The following NRXN1 variants were observed in gnomAD, a reference collection of about 807,000 sequenced individuals.
NRXN1 encodes neurexin-1.
In NRXN1, 39 loss-of-function variants were observed where a neutral mutation model predicts 150.9. The ratio of observed to expected loss-of-function variants is 0.26; its 90% CI spans 0.20 to 0.34. NRXN1 has a LOEUF of 0.34. Among genes scored for constraint, NRXN1 ranks in the 10% least tolerant of loss-of-function variants. The pLI is 1.00. For synonymous variants in NRXN1, 924 were observed against 757.0 expected (o/e 1.22, Z -3.62); for missense variants, 1,815 against 1,949.9 (o/e 0.93, Z 1.30).
intron 2 of NRXN1, among the ~76,000 whole-genome samples, chr2:50,956,537 C>G (rs1039981704): frequency 1.3e-5 from 2 of 151,908 alleles, no homozygotes; most frequent in African/African-American, 4.8e-5. Context: ...TGCTTGAGCC[C>G]CAGAGTTCAA....
intron 5 of NRXN1, among the ~76,000 whole-genome samples, chr2:50,708,211 G>T (rs72837035): frequency 6.6e-6 from 1 of 152,150 alleles, no homozygotes; most frequent in Non-Finnish European, 1.5e-5. Flanking sequence ...CTCATGTAAC[G>T]ATTCCTGATC....
intron 17 of NRXN1, among the ~76,000 whole-genome samples, chr2:50,379,539 A>T (rs764653373): frequency 3.3e-5 from 5 of 152,150 alleles, no homozygotes; most frequent in Non-Finnish European, 7.4e-5. Flanking sequence ...AGGCAATAAA[A>T]GAGAGAGAGG....
intron 5 of NRXN1, among the ~76,000 whole-genome samples, chr2:50,654,480 C>A (rs1326774225): frequency 1.3e-5 from 2 of 151,906 alleles, no homozygotes; most frequent in East Asian, 3.9e-4. Context: ...AGTAGTGCTG[C>A]AATAAACATA....
intron 17 of NRXN1, among the ~76,000 whole-genome samples, chr2:50,274,866 G>C (rs2070230052): frequency 6.6e-6 from 1 of 152,100 alleles, no homozygotes; most frequent in Non-Finnish European, 1.5e-5. Flanking sequence ...GGCTGTAGAA[G>C]TGAACCAAGT....
intron 5 of NRXN1, among the ~76,000 whole-genome samples, chr2:50,767,813 A>G (rs2105427992): frequency 6.6e-6 from 1 of 152,198 alleles, no homozygotes; most frequent in African/African-American, 2.4e-5. Flanking sequence ...GACATTATTA[A>G]TTATTTTTTA....
At position 50,414,793 on chromosome 2, in the gene NRXN1, T is replaced by C. The variant is rs569915826; in HGVS notation, c.3364+50649A>G. On this transcript the variant is annotated intron_variant, in intron 17 of 22. Transcript: ENST00000401669. ...ACATTTTGAATTTCTATATTAATTT[T>C]AAAGTGCATCAATTTTGTCATATGA... Among the ~76,000 whole-genome samples, 461 of 152,300 alleles carry C rather than the reference T, an allele frequency of 3.0e-3. 3 individuals are homozygous for C. The highest frequency in any genetic ancestry group is 5.5e-3 in the Non-Finnish European group (373 of 68,000).
chr2:49,950,129 G>A (rs1673664672), intron 21 of NRXN1, among the ~76,000 whole-genome samples: 1 of 151,848 alleles, frequency 6.6e-6, no homozygotes. Flanking sequence ...AGGAAAAACT[G>A]CAGAAAATAA....
At chr2:50,243,471 T>G (rs1192713970) in intron 17 of NRXN1, among the ~76,000 whole-genome samples, 1 of 151,788 alleles carries the variant, frequency 6.6e-6, no homozygotes, top group African/African-American at 2.4e-5. Context: ...TGTTGACTAC[T>G]TATTAAGTCA....
chr2:50,087,484 T>A (rs1698953453), intron 19 of NRXN1, among the ~76,000 whole-genome samples: 1 of 152,128 alleles, frequency 6.6e-6, no homozygotes, highest in Admixed American at 6.5e-5. Context: ...GCTTTGTGAA[T>A]TAATGTTATG....
intron 5 of NRXN1, among the ~76,000 whole-genome samples, chr2:50,659,117 G>C (rs1383613265): frequency 6.6e-6 from 1 of 151,996 alleles, no homozygotes; most frequent in Non-Finnish European, 1.5e-5. Context: ...ATGTGAGACA[G>C]CATGAGGTAT....
intron 5 of NRXN1, among the ~76,000 whole-genome samples, chr2:50,669,884 C>A (rs982543913): frequency 2.0e-5 from 3 of 149,218 alleles, no homozygotes; most frequent in Non-Finnish European, 4.5e-5. Context: ...ACAAAAAAAA[C>A]GGAATTAATC....
At chr2:50,228,916 G>A (rs539032167) in intron 18 of NRXN1, among the ~76,000 whole-genome samples, 1 of 152,030 alleles carries the variant, frequency 6.6e-6, no homozygotes, top group South Asian at 2.1e-4. Flanking sequence ...GTTTTGAGGA[G>A]GAGAGAGGCC....
In NRXN1 at chr2:50,598,141, G is replaced by GA. The variant is rs1014522007; in HGVS notation, c.1320+21880dup. Among the ~76,000 whole-genome samples, 884 of 135,258 alleles carry GA rather than the reference G, an allele frequency of 6.5e-3. 8 individuals carry two copies. The highest frequency in any genetic ancestry group is 0.037 in the Admixed American group (505 of 13,522). 88.7% of individuals were successfully genotyped at this position (135,258 alleles called of 152,430 possible). On this transcript the variant is annotated intron_variant, in intron 8 of 22. Coordinates refer to ENST00000401669, the MANE Select transcript of NRXN1 (RefSeq NM_001330078.2). The stretch of plus-strand genomic sequence containing the variant: ...CAACAGGGCAAAACTGCGTCTCAAA[G>GA]AAAAAAAAAAAAATCCCAAAAGCCT...
intron 8 of NRXN1, among the ~76,000 whole-genome samples, chr2:50,559,057 G>A (rs1023150360): frequency 6.6e-6 from 1 of 152,106 alleles, no homozygotes; most frequent in East Asian, 1.9e-4. Context: ...ACTCCAGCCT[G>A]GGTGACAGAG....
intron 5 of NRXN1, among the ~76,000 whole-genome samples, chr2:50,914,801 A>C (rs1263839654): frequency 6.6e-6 from 1 of 151,678 alleles, no homozygotes; most frequent in Non-Finnish European, 1.5e-5. Flanking sequence ...TATCCAAAGT[A>C]AAACCCAAAG....
At chr2:50,276,247 C>G (rs2070450342) in intron 17 of NRXN1, among the ~76,000 whole-genome samples, 1 of 151,902 alleles carries the variant, frequency 6.6e-6, no homozygotes. Context: ...AACCACACAG[C>G]TGTTAAAAAA....
At chr2:50,219,419 G>A (rs1241675696) in intron 18 of NRXN1, among the ~76,000 whole-genome samples, 1 of 150,392 alleles carries the variant, frequency 6.6e-6, no homozygotes, top group Non-Finnish European at 1.5e-5. Flanking sequence ...AAAATAATTT[G>A]TCCTCAAGTC....
At chr2:50,717,126 T>A (rs543250194) in intron 5 of NRXN1, among the ~76,000 whole-genome samples, 31 of 152,334 alleles carry the variant, frequency 2.0e-4, no homozygotes, top group African/African-American at 6.3e-4. Flanking sequence ...TTTCTTTGTA[T>A]CCTCTGGTGT....
At chr2:50,354,985 A>G (rs956036223) in intron 17 of NRXN1, among the ~76,000 whole-genome samples, 6 of 152,088 alleles carry the variant, frequency 3.9e-5, no homozygotes, top group African/African-American at 1.4e-4. Context: ...TTAAGACTAA[A>G]GCATAATTTC....
Sources: allele counts gnomAD v4.1 joint callset (sites outside exome capture counted in the v4.1 genomes callset), GRCh38; gene constraint gnomAD v4.1.1; transcripts MANE v1.5; gene names NCBI Gene and HGNC (gene_info 2026-07-23, HGNC 2026-07-21).